Variants in TBC1D22A observed in about 807,000 individuals in gnomAD.
The protein encoded by TBC1D22A is TBC1 domain family member 22A, also known as putative GTPase activator.
In TBC1D22A, 38 loss-of-function variants were observed where a neutral mutation model predicts 60.2. That is an observed-to-expected ratio of 0.63 (90% CI 0.49 to 0.83). The LOEUF (loss-of-function observed/expected upper bound fraction) is 0.83. Ranked by LOEUF, TBC1D22A falls within the 40% of genes least tolerant of loss-of-function variation. The probability of loss-of-function intolerance (pLI) is 0.00; values close to 1 mark genes in which losing one functional copy is unlikely to be tolerated. For synonymous variants in TBC1D22A, 302 were observed against 281.7 expected, an observed-to-expected ratio of 1.07 and a Z score of -0.72; for missense variants, 628 against 701.0, an observed-to-expected ratio of 0.90 and a Z score of 1.18.
intron 1 of TBC1D22A, among the ~76,000 whole-genome samples, chr22:46,782,565 G>T (rs894491978): frequency 1.3e-5 from 2 of 152,190 alleles, no homozygotes; most frequent in Admixed American, 1.3e-4. Flanking sequence ...CAGTTAGGCA[G>T]TCATTACTAC....
intron 12 of TBC1D22A, among the ~76,000 whole-genome samples, chr22:47,164,824 G>A (rs771159564): frequency 4.6e-5 from 7 of 152,188 alleles, no homozygotes; most frequent in Non-Finnish European, 7.3e-5. Flanking sequence ...TGTACGTCAC[G>A]GAAGCGGATA....
intron 8 of TBC1D22A, among the ~76,000 whole-genome samples, chr22:46,954,356 A>G (rs994625176): frequency 6.6e-6 from 1 of 152,236 alleles, no homozygotes; most frequent in African/African-American, 2.4e-5. Context: ...TGCGGTCAAC[A>G]CTGGGAAGTG....
At chr22:46,956,755 C>T (rs1421620068) in intron 8 of TBC1D22A, among the ~76,000 whole-genome samples, 1 of 152,118 alleles carries the variant, frequency 6.6e-6, no homozygotes, top group East Asian at 1.9e-4. Context: ...GTGAGATGGC[C>T]GAGGGGTGTG....
At chr22:46,828,573 GC>G (rs2086172599) in intron 4 of TBC1D22A, among the ~76,000 whole-genome samples, 1 of 152,220 alleles carries the variant, frequency 6.6e-6, no homozygotes, top group Admixed American at 6.5e-5. Context: ...ACCTCTTCCT[GC>G]CCGTCTCCCA....
intron 11 of TBC1D22A, among the ~76,000 whole-genome samples, chr22:47,076,361 G>GTATATATATATATATATATATATATATA (rs769322904): frequency 2.0e-5 from 2 of 101,928 alleles, no homozygotes; most frequent in East Asian, 4.6e-4. Context: ...ATATGTGTGT[G>GTATATATATATATATATATATATATATA]TATATATATA....
chr22:46,807,553 A>G (rs2085201455), intron 4 of TBC1D22A, among the ~76,000 whole-genome samples: 2 of 152,162 alleles, frequency 1.3e-5, no homozygotes, highest in Non-Finnish European at 2.9e-5. Flanking sequence ...GTACCTCTGC[A>G]GCGGCAGTGA....
intron 4 of TBC1D22A, among the ~76,000 whole-genome samples, chr22:46,815,740 G>A (rs1043306842): frequency 6.6e-6 from 1 of 152,182 alleles, no homozygotes; most frequent in Non-Finnish European, 1.5e-5. Context: ...CATCCATGTT[G>A]AGAGACCAGG....
intron 7 of TBC1D22A, among the ~76,000 whole-genome samples, chr22:46,903,323 C>T (rs930950945): frequency 1.3e-5 from 2 of 152,152 alleles, no homozygotes; most frequent in Admixed American, 6.5e-5. Flanking sequence ...GTTCAGCCTG[C>T]GGGGGCGTCT....
intron 1 of TBC1D22A, among the ~76,000 whole-genome samples, chr22:46,769,964 G>A (rs1033644274): frequency 5.3e-5 from 8 of 152,086 alleles, no homozygotes; most frequent in Non-Finnish European, 8.8e-5. Flanking sequence ...TGGGAGTGTG[G>A]TAGGCAGAAT....
intron 11 of TBC1D22A, among the ~76,000 whole-genome samples, chr22:47,077,017 G>A (rs5769355): frequency 0.48 from 72,377 of 151,962 alleles, 18,022 homozygotes; most frequent in African/African-American, 0.6. Flanking sequence ...TGCATCCTGA[G>A]TATTGCCTGT....
rs971785341 is a variant in TBC1D22A, at chr22:47,023,413, G to T, written c.1202-13658G>T. On this transcript the variant is annotated intron_variant, in intron 10 of 12. Transcript: ENST00000337137. Reference sequence around the variant, plus strand: ...GTAATCTGTGGTCCCCTAAAGGGAGGAAACAGAAAAAATATTGGAAGAAAT... The same window carrying T: ...GTAATCTGTGGTCCCCTAAAGGGAGTAAACAGAAAAAATATTGGAAGAAAT... 3.3e-5 allele frequency among the ~76,000 whole-genome samples: 5 copies of T among 152,180 alleles called. No homozygotes were observed. In the East Asian group the frequency reaches 9.6e-4, roughly 29 times the overall value.
At chr22:47,124,152 C>G (rs569432773) in intron 12 of TBC1D22A, among the ~76,000 whole-genome samples, 37 of 152,216 alleles carry the variant, frequency 2.4e-4, no homozygotes, top group African/African-American at 8.9e-4. Context: ...GGGGAGGGCA[C>G]GCCTGAGCTG....
In TBC1D22A at chr22:46,908,059, A is replaced by G. The variant is rs991958256; in HGVS notation, c.901-4015A>G. Among the ~76,000 whole-genome samples the G allele has an allele frequency of 2.6e-5, 4 of 152,112 alleles. No homozygotes were observed. The South Asian group carries it at 6.2e-4, about 24-fold the overall frequency. ...CACCTGAAGCCATGCTCAGGAGTGCATTGTCTCGTCAGGGTCTTGGAAAGC... is the reference window on the plus strand; with the variant it reads ...CACCTGAAGCCATGCTCAGGAGTGCGTTGTCTCGTCAGGGTCTTGGAAAGC... On this transcript the variant is annotated intron_variant, in intron 7 of 12. Coordinates refer to ENST00000337137, the MANE Select transcript of TBC1D22A (RefSeq NM_014346.5).
rs185835608 is a variant in TBC1D22A at position 47,006,752 on chromosome 22, G to T, written c.1201+9043G>T. Among the ~76,000 whole-genome samples the T allele has an allele frequency of 5.2e-3, 789 of 152,348 alleles. 5 individuals are homozygous for T. Among genetic ancestry groups the T allele is most frequent in the Non-Finnish European group, 7.9e-3 (540 of 68,038 alleles). On this transcript the variant is annotated intron_variant, in intron 10 of 12. Transcript: ENST00000337137. ...GTGACACCACAGCCAGGACTCTCAGGCCTCTGCCTTGGCGCTTCCTTTGTT... is the reference window on the plus strand; with the variant it reads ...GTGACACCACAGCCAGGACTCTCAGTCCTCTGCCTTGGCGCTTCCTTTGTT...
chr22:46,987,712 G>C (rs147805419), intron 9 of TBC1D22A, among the ~76,000 whole-genome samples: 1 of 152,194 alleles, frequency 6.6e-6, no homozygotes, highest in Non-Finnish European at 1.5e-5. Context: ...TTTTCCCAGC[G>C]GAGGGTGTTT....
chr22:47,023,965 A>G (rs131942), intron 10 of TBC1D22A, among the ~76,000 whole-genome samples: 35,728 of 152,230 alleles, frequency 0.23, 4,507 homozygotes, highest in East Asian at 0.29. Context: ...TTATTGAAAT[A>G]TCTTCAAAAA....
intron 12 of TBC1D22A, among the ~76,000 whole-genome samples, chr22:47,122,302 C>T (rs1427206244): frequency 6.6e-6 from 1 of 152,186 alleles, no homozygotes; most frequent in African/African-American, 2.4e-5. Context: ...ACGAGGTTTC[C>T]CGAACTGCCC....
intron 8 of TBC1D22A, among the ~76,000 whole-genome samples, chr22:46,938,077 G>T (rs76481865): frequency 6.6e-6 from 1 of 152,146 alleles, no homozygotes; most frequent in Non-Finnish European, 1.5e-5. Context: ...CACAGTGCTC[G>T]TGAAGTCTCC....
intron 1 of TBC1D22A, among the ~76,000 whole-genome samples, chr22:46,766,032 C>T (rs2083274537): frequency 6.7e-6 from 1 of 148,366 alleles, no homozygotes; most frequent in Non-Finnish European, 1.5e-5. Context: ...GAGTCTCACT[C>T]TGTTGTCCAG....
Sources: gnomAD v4.1 joint callset for allele counts (sites outside exome capture counted in the v4.1 genomes callset) on GRCh38, gnomAD v4.1.1 for gene constraint, MANE v1.5 for transcripts, NCBI Gene and HGNC (gene_info 2026-07-23, HGNC 2026-07-21) for gene names.